The following RAB28 variants were observed in gnomAD, a reference collection of about 807,000 sequenced individuals.
RAB28 encodes ras-related protein Rab-28.
Under a neutral mutation model 31.7 loss-of-function variants are expected in RAB28, and 24 were observed. The observed-to-expected ratio is 0.76, with a 90% CI of 0.55 to 1.06. RAB28 has a LOEUF of 1.06. Ranked by LOEUF, RAB28 falls within the 50% of genes least tolerant of loss-of-function variation. The probability of loss-of-function intolerance (pLI) is 0.00; values close to 1 mark genes in which losing one functional copy is unlikely to be tolerated. For synonymous variants in RAB28, 100 were observed against 90.4 expected (o/e 1.11, Z -0.60); for missense variants, 254 against 258.5 (o/e 0.98, Z 0.12).
chr4:13,470,519 A>G lies in RAB28; in HGVS notation c.261+3799T>C, dbSNP rs548343600. 3.3e-5 allele frequency among the ~76,000 whole-genome samples: 5 copies of G among 152,102 alleles called. No individual in the cohort carries two copies. The South Asian group carries it at 1.0e-3, about 32-fold the overall frequency. ...CACAATAGTAGTTATGTTCTACCTC[A>G]CAAGTGACTACACTTCATTGAGTTT... On this transcript the variant is annotated intron_variant, in intron 3 of 6. Coordinates refer to ENST00000330852, the MANE Select transcript of RAB28 (RefSeq NM_001017979.3).
chr4:13,399,382 A>T (rs1040039051), intron 4 of RAB28, among the ~76,000 whole-genome samples: 2 of 152,236 alleles, frequency 1.3e-5, no homozygotes, highest in African/African-American at 2.4e-5. Context: ...AACTGTTAAG[A>T]TACTAACAAC....
intron 4 of RAB28, among the ~76,000 whole-genome samples, chr4:13,401,895 A>G (rs907203065): frequency 3.9e-5 from 6 of 152,246 alleles, no homozygotes; most frequent in Non-Finnish European, 8.8e-5. Context: ...TTCAAGTATA[A>G]GCATTTAATA....
At chr4:13,419,872 G>A (rs1275713775) in intron 4 of RAB28, among the ~76,000 whole-genome samples, 2 of 151,842 alleles carry the variant, frequency 1.3e-5, no homozygotes, top group Non-Finnish European at 2.9e-5. Flanking sequence ...ACATTCAAAA[G>A]CTAGCAGAAA....
At chr4:13,414,828 C>T (rs1384387202) in intron 4 of RAB28, among the ~76,000 whole-genome samples, 2 of 152,154 alleles carry the variant, frequency 1.3e-5, no homozygotes, top group South Asian at 2.1e-4. Flanking sequence ...ATGAGGAAAA[C>T]ATCATATATG....
chr4:13,417,736 A>G (rs986821488), intron 4 of RAB28, among the ~76,000 whole-genome samples: 1 of 152,196 alleles, frequency 6.6e-6, no homozygotes, highest in African/African-American at 2.4e-5. Flanking sequence ...CCAAAACCCC[A>G]TCTATAGGTC....
chr4:13,384,565 C>G (rs1029531385), intron 4 of RAB28, among the ~76,000 whole-genome samples: 1 of 152,158 alleles, frequency 6.6e-6, no homozygotes. Flanking sequence ...GGATACAAGT[C>G]CCCCAGATTT....
chr4:13,443,461 C>T (rs781252770), intron 4 of RAB28, among the ~76,000 whole-genome samples: 10 of 152,118 alleles, frequency 6.6e-5, no homozygotes, highest in Admixed American at 1.3e-4. Flanking sequence ...CGTGAGCCAC[C>T]GCACCTGGCC....
intron 4 of RAB28, among the ~76,000 whole-genome samples, chr4:13,418,630 G>C (rs1257361713): frequency 1.5e-4 from 23 of 152,206 alleles, no homozygotes; most frequent in Admixed American, 1.5e-3. Flanking sequence ...TTTCAACCCA[G>C]AATTTCATAT....
intron 4 of RAB28, among the ~76,000 whole-genome samples, chr4:13,442,258 GTAT>G (rs1714458538): frequency 6.6e-6 from 1 of 152,084 alleles, no homozygotes; most frequent in African/African-American, 2.4e-5. Context: ...GAAGAGCTAA[GTAT>G]GAAGGACACA....
At chr4:13,405,506 A>G (rs1049237510) in intron 4 of RAB28, among the ~76,000 whole-genome samples, 1 of 152,206 alleles carries the variant, frequency 6.6e-6, no homozygotes, top group African/African-American at 2.4e-5. Context: ...ATTGAAACTC[A>G]TAACATAGAC....
intron 4 of RAB28, among the ~76,000 whole-genome samples, chr4:13,458,486 T>A (rs1715421476): frequency 6.6e-6 from 1 of 152,180 alleles, no homozygotes; most frequent in South Asian, 2.1e-4. Context: ...GGTATTGATT[T>A]AACAACTCTT....
intron 3 of RAB28, among the ~76,000 whole-genome samples, chr4:13,471,047 T>C (rs1446618044): frequency 8.5e-5 from 13 of 152,120 alleles, no homozygotes; most frequent in Non-Finnish European, 1.5e-5. Flanking sequence ...CCCAGACATG[T>C]ATAATTCTTT....
chr4:13,434,583 A>G (rs570241169), intron 4 of RAB28, among the ~76,000 whole-genome samples: 2 of 152,282 alleles, frequency 1.3e-5, no homozygotes, highest in South Asian at 2.1e-4. Flanking sequence ...AGTTCACCCA[A>G]CCACCACAGA....
chr4:13,455,955 C>T (rs1465739151), intron 4 of RAB28, among the ~76,000 whole-genome samples: 1 of 152,238 alleles, frequency 6.6e-6, no homozygotes, highest in Non-Finnish European at 1.5e-5. Flanking sequence ...CTAAAGCCAT[C>T]TTGCTAAAGT....
intron 2 of RAB28, among the ~76,000 whole-genome samples, chr4:13,474,856 A>T (rs1307140912): frequency 6.6e-6 from 1 of 151,606 alleles, no homozygotes. Context: ...CTCATGGAAT[A>T]ATAGCAAACT....
At chr4:13,441,889 A>G (rs771001126) in intron 4 of RAB28, among the ~76,000 whole-genome samples, 19 of 152,234 alleles carry the variant, frequency 1.2e-4, no homozygotes, top group Non-Finnish European at 2.5e-4. Flanking sequence ...CCCCCAATCA[A>G]AAGAGCAGTA....
chr4:13,447,323 G>T (rs1424551093), intron 4 of RAB28, among the ~76,000 whole-genome samples: 1 of 152,064 alleles, frequency 6.6e-6, no homozygotes, highest in African/African-American at 2.4e-5. Context: ...AAGCCCATAC[G>T]ATGGCCCACA....
At chr4:13,462,975 G>T (rs998132891) in intron 3 of RAB28, among the ~76,000 whole-genome samples, 1 of 152,168 alleles carries the variant, frequency 6.6e-6, no homozygotes, top group South Asian at 2.1e-4. Context: ...TTGGATTCCA[G>T]TCCTGACCCC....
chr4:13,370,706 G>A (rs943856072), intron 6 of RAB28: 50 of 984,352 alleles, frequency 5.1e-5, no homozygotes, highest in Middle Eastern at 5.2e-4. Flanking sequence ...CATTCCTCCC[G>A]ATCCTAACCT....
Sources: allele counts gnomAD v4.1 joint callset (sites outside exome capture counted in the v4.1 genomes callset), GRCh38; gene constraint gnomAD v4.1.1; transcripts MANE v1.5; gene names NCBI Gene and HGNC (gene_info 2026-07-23, HGNC 2026-07-21).